PDE3B: variants seen among roughly 807,000 people sequenced by gnomAD.
The protein encoded by PDE3B is phosphodiesterase 3B.
In PDE3B, 66 loss-of-function variants were observed where a neutral mutation model predicts 116.8. The ratio of observed to expected loss-of-function variants is 0.56; its 90% CI spans 0.46 to 0.69. The LOEUF is 0.69. PDE3B is among the 30% of genes least tolerant of loss of function. PDE3B has a pLI of 0.00. For synonymous variants in PDE3B, 595 were observed against 533.6 expected, an observed-to-expected ratio of 1.12 and a Z score of -1.59; for missense variants, 1,384 against 1,368.1, an observed-to-expected ratio of 1.01 and a Z score of -0.18.
intron 12 of PDE3B, among the ~76,000 whole-genome samples, chr11:14,853,904 A>G (rs1215006998): frequency 1.3e-5 from 2 of 152,226 alleles, no homozygotes. Flanking sequence ...ACTGGGTAAA[A>G]GGAAACAAAA....
At chr11:14,677,535 T>G (rs1013320132) in intron 1 of PDE3B, among the ~76,000 whole-genome samples, 24 of 152,216 alleles carry the variant, frequency 1.6e-4, no homozygotes, top group Admixed American at 1.4e-3. Flanking sequence ...TTTTTTAATT[T>G]AAAATAAAAA....
the PDE3B span, chr11:14,880,896 G>T: frequency 1.2e-6 from 1 of 837,864 alleles, no homozygotes; most frequent in Admixed American, 2.8e-5. Flanking sequence ...TAACTACATG[G>T]TTGGGTCCTG....
At chr11:14,882,803 TCTC>T in the PDE3B span, among the ~76,000 whole-genome samples, 1 of 152,106 alleles carries the variant, frequency 6.6e-6, no homozygotes, top group African/African-American at 2.4e-5. Flanking sequence ...CAGCCCAAAA[TCTC>T]CTTAAGCTGA....
chr11:14,783,708 A>G (rs1056825282), intron 2 of PDE3B, among the ~76,000 whole-genome samples: 1 of 152,226 alleles, frequency 6.6e-6, no homozygotes, highest in Admixed American at 6.5e-5. Flanking sequence ...ACATGTATAC[A>G]TATGTAACAA....
intron 4 of PDE3B, among the ~76,000 whole-genome samples, chr11:14,791,712 A>T (rs1320213481): frequency 6.6e-6 from 1 of 152,038 alleles, no homozygotes; most frequent in Non-Finnish European, 1.5e-5. Flanking sequence ...TACACTAGAA[A>T]TCTTCCTTAA....
chr11:14,708,900 C>T (rs1042656824), intron 1 of PDE3B, among the ~76,000 whole-genome samples: 1 of 151,954 alleles, frequency 6.6e-6, no homozygotes, highest in African/African-American at 2.4e-5. Context: ...CTTATTTTTG[C>T]ACCTCTTCTG....
chr11:14,783,767 A>G (rs955903982), intron 2 of PDE3B, among the ~76,000 whole-genome samples: 1 of 152,092 alleles, frequency 6.6e-6, no homozygotes, highest in South Asian at 2.1e-4. Flanking sequence ...ATAATAATAA[A>G]AAAAAAGAAT....
At chr11:14,850,915 G>GC (rs977480895) in intron 12 of PDE3B, among the ~76,000 whole-genome samples, 3 of 151,380 alleles carry the variant, frequency 2.0e-5, no homozygotes, top group African/African-American at 7.3e-5. Context: ...TGCAAGCTCC[G>GC]CCCCCCAGGT....
At chr11:14,685,638 TAGAG>T (rs1444504732) in intron 1 of PDE3B, among the ~76,000 whole-genome samples, 5 of 151,888 alleles carry the variant, frequency 3.3e-5, no homozygotes, top group Admixed American at 3.3e-4. Context: ...GTATTTTTAG[TAGAG>T]ACAGGGTTTC....
At chr11:14,709,751 C>T (rs117388380) in intron 1 of PDE3B, among the ~76,000 whole-genome samples, 8 of 152,214 alleles carry the variant, frequency 5.3e-5, no homozygotes, top group African/African-American at 1.7e-4. Context: ...TACTCTTATA[C>T]GTTTTTTGTC....
intron 2 of PDE3B, among the ~76,000 whole-genome samples, chr11:14,778,663 G>A (rs1481296962): frequency 6.6e-6 from 1 of 152,158 alleles, no homozygotes; most frequent in Non-Finnish European, 1.5e-5. Context: ...AACCCCGTCT[G>A]ACGTCACCAT....
At chr11:14,652,777 A>G (rs1240345865) in intron 1 of PDE3B, among the ~76,000 whole-genome samples, 4 of 152,204 alleles carry the variant, frequency 2.6e-5, no homozygotes, top group Non-Finnish European at 5.9e-5. Flanking sequence ...GTGGAATCAT[A>G]CAGTATTTTT....
At chr11:14,864,562 C>T (rs1173361895) in intron 14 of PDE3B, among the ~76,000 whole-genome samples, 4 of 152,176 alleles carry the variant, frequency 2.6e-5, no homozygotes, top group Admixed American at 6.6e-5. Flanking sequence ...GTAAAACACT[C>T]CTCAGCAAAT....
chr11:14,814,325 A>G (rs1237172532), intron 5 of PDE3B, among the ~76,000 whole-genome samples: 2 of 152,182 alleles, frequency 1.3e-5, no homozygotes, highest in Non-Finnish European at 2.9e-5. Flanking sequence ...CCTTTTATTT[A>G]TTTGCAGATT....
chr11:14,763,560 G>T (rs1205589686), intron 1 of PDE3B, among the ~76,000 whole-genome samples: 1 of 151,986 alleles, frequency 6.6e-6, no homozygotes, highest in Non-Finnish European at 1.5e-5. Flanking sequence ...TAATTGGAAT[G>T]ATTTAGTAGA....
intron 5 of PDE3B, among the ~76,000 whole-genome samples, chr11:14,806,591 G>C (rs534094212): frequency 2.6e-5 from 4 of 152,010 alleles, no homozygotes; most frequent in Admixed American, 2.6e-4. Context: ...CGGGCGCGGT[G>C]GCTCATGCCT....
At chr11:14,789,368 T>A in intron 4 of PDE3B, 126 bp downstream of exon 4, 1 of 645,894 alleles carries the variant, frequency 1.5e-6, no homozygotes, top group Non-Finnish European at 2.6e-6. Context: ...TAGGACAACA[T>A]GTGTAGTAAT....
chr11:14,755,984 A>G (rs553539206), intron 1 of PDE3B, among the ~76,000 whole-genome samples: 2 of 152,330 alleles, frequency 1.3e-5, no homozygotes, highest in South Asian at 4.1e-4. Flanking sequence ...CATCATTCCC[A>G]GAACAGACTT....
chr11:14,724,294 G>C (rs548016475), intron 1 of PDE3B, among the ~76,000 whole-genome samples: 5 of 152,234 alleles, frequency 3.3e-5, no homozygotes, highest in Admixed American at 2.6e-4. Flanking sequence ...TATTTATTAA[G>C]GGTACAGAAC....
Sources: allele counts gnomAD v4.1 joint callset (sites outside exome capture counted in the v4.1 genomes callset), GRCh38; gene constraint gnomAD v4.1.1; transcripts MANE v1.5; gene names NCBI Gene and HGNC (gene_info 2026-07-23, HGNC 2026-07-21).